The following ECI2 variants were observed in gnomAD, a reference collection of about 807,000 sequenced individuals.
The protein encoded by ECI2 is D3,D2-enoyl-CoA isomerase.
In ECI2, 27 loss-of-function variants were observed where a neutral mutation model predicts 38.4. The ratio of observed to expected loss-of-function variants is 0.70; its 90% CI spans 0.52 to 0.97. ECI2 has a LOEUF of 0.97. ECI2 is among the 50% of genes least tolerant of loss of function. ECI2 has a pLI of 0.00. For synonymous variants in ECI2, 168 were observed against 172.0 expected, an observed-to-expected ratio of 0.98 and a Z score of 0.18; for missense variants, 470 against 474.4, an observed-to-expected ratio of 0.99 and a Z score of 0.09.
chr6:4,127,927 A>C, intron 4 of ECI2, 96 bp from the exon 5 acceptor site: 1 of 1,145,428 alleles, frequency 8.7e-7, no homozygotes, highest in Non-Finnish European at 1.2e-6. Context: ...GCTTGCTCTC[A>C]GCAAAGTGCC....
intron 2 of ECI2, among the ~76,000 whole-genome samples, chr6:4,132,615 T>G (rs1461424991): frequency 6.6e-6 from 1 of 152,174 alleles, no homozygotes; most frequent in Non-Finnish European, 1.5e-5. Context: ...AGGGAAGTCT[T>G]TGGCATTGAA....
Position 4,119,353 on chromosome 6 carries a change from C to T in ECI2, c.796-78G>A, listed in dbSNP as rs376134768. 59 of 1,170,178 alleles carry T rather than the reference C, an allele frequency of 5.0e-5. 1 individual carries two copies. In the African/African-American group the frequency reaches 8.7e-4, roughly 17 times the overall value. 72.5% of individuals were successfully genotyped at this position (1,170,178 alleles called of 1,614,324 possible). A position where few individuals can be genotyped will look rare whatever the true frequency, so the allele number is the denominator to read the frequency against. On this transcript the variant is annotated intron_variant, in intron 7 of 9. Transcript: ENST00000380118. The stretch of plus-strand genomic sequence containing the variant: ...TTTTTTTTTGAGACAAAGGGTTTCG[C>T]TCTTTTGCCCAGGCTGCAGTGAAGT...
At chr6:4,135,291 T>G (rs773631784) in intron 1 of ECI2, 339 of 1,356,694 alleles carry the variant, frequency 2.5e-4, no homozygotes, top group Non-Finnish European at 3.3e-4. Flanking sequence ...AGCCCTGACC[T>G]CCCGACGCGC....
Position 4,133,702 on chromosome 6 carries a change from C to G in ECI2, c.60G>C (p.Gln20His). The change falls in exon 2 of 10, where the codon CAG becomes CAC. Residue 20 changes from glutamine to histidine, a missense_variant. Physicochemically the swap from Gln to His is conservative, Grantham distance 24 (BLOSUM62 0). Transcript: ENST00000380118. ...LARRSCPSSL[Q>H]VTSFPVVQLH... ...GCTGAACTACCGGGAAACTAGTGAC[C>G]TGCAGAGAACTACAATTAGGCAGAC... 1.9e-6 allele frequency: 3 copies of G among 1,605,984 alleles called. No homozygotes were observed. The highest frequency in any genetic ancestry group is 2.5e-6 in the Non-Finnish European group (3 of 1,177,258).
At chr6:4,130,224 T>C (rs1347141664) in intron 4 of ECI2, 148 bp downstream of exon 4, 3 of 1,613,424 alleles carry the variant, frequency 1.9e-6, no homozygotes, top group African/African-American at 2.7e-5. Context: ...CTCTGTTGTA[T>C]GAAGTAGCCA....
intron 7 of ECI2, chr6:4,121,920 G>A (rs373724149): frequency 1.4e-5 from 19 of 1,310,490 alleles, no homozygotes; most frequent in Admixed American, 2.2e-5. Context: ...TTCTGTTAAT[G>A]TCATGTATCT....
chr6:4,127,164 T>C (rs1466480645), intron 5 of ECI2, among the ~76,000 whole-genome samples: 1 of 152,228 alleles, frequency 6.6e-6, no homozygotes, highest in African/African-American at 2.4e-5. Flanking sequence ...TAGCTGAGTA[T>C]TCCATTGTAC....
At chr6:4,127,576 G>C (rs1439790763) in intron 5 of ECI2, among the ~76,000 whole-genome samples, 186 bp downstream of exon 5, 1 of 151,584 alleles carries the variant, frequency 6.6e-6, no homozygotes. Context: ...CACCATGCCC[G>C]GCTAATTTTT....
chr6:4,125,981 T>C (rs751210103), intron 6 of ECI2, 154 bp downstream of exon 6: 1 of 701,726 alleles, frequency 1.4e-6, no homozygotes, highest in Non-Finnish European at 2.6e-6. Flanking sequence ...TGCCCACCTA[T>C]GGATGGAGGC....
At chr6:4,118,860 C>G (rs1772460604) in intron 8 of ECI2, 1 of 209,218 alleles carries the variant, frequency 4.8e-6, no homozygotes, top group Non-Finnish European at 9.6e-6. Flanking sequence ...GCTGGCACAG[C>G]CCTGGTCCTT....
chr6:4,117,228 A>G, intron 9 of ECI2, 80 bp downstream of exon 9: 1 of 1,503,416 alleles, frequency 6.7e-7, no homozygotes, highest in South Asian at 1.4e-5. Flanking sequence ...GCTTTTTATG[A>G]CTTATTCTCT....
intron 1 of ECI2, among the ~76,000 whole-genome samples, chr6:4,134,169 CG>C (rs1561660844): frequency 6.6e-6 from 1 of 152,140 alleles, no homozygotes; most frequent in African/African-American, 2.4e-5. Flanking sequence ...TCTTTGCTGG[CG>C]AAGCTGGTGT....
At chr6:4,119,065 AATC>A in intron 8 of ECI2, 118 bp downstream of exon 8, 1 of 810,994 alleles carries the variant, frequency 1.2e-6, no homozygotes, top group South Asian at 2.0e-5. Context: ...TTGAAAAGCA[AATC>A]ATTAGCTTCT....
Sources: gnomAD v4.1 joint callset for allele counts (sites outside exome capture counted in the v4.1 genomes callset) on GRCh38, gnomAD v4.1.1 for gene constraint, MANE v1.5 for transcripts, NCBI Gene and HGNC (gene_info 2026-07-23, HGNC 2026-07-21) for gene names.